The following SH3GL2 variants were observed in gnomAD, a reference collection of about 807,000 sequenced individuals.
The protein encoded by SH3GL2 is endophilin-A1.
Under a neutral mutation model 46.0 loss-of-function variants are expected in SH3GL2, and 24 were observed. That is an observed-to-expected ratio of 0.52 (90% confidence interval 0.38 to 0.73). The LOEUF (loss-of-function observed/expected upper bound fraction) is 0.73, where lower values mean the gene tolerates loss of function less well. SH3GL2 is among the 30% of genes least tolerant of loss of function. The pLI is 0.00. For synonymous variants in SH3GL2, 196 were observed against 147.1 expected, an observed-to-expected ratio of 1.33 and a Z score of -2.40; for missense variants, 413 against 424.2, an observed-to-expected ratio of 0.97 and a Z score of 0.23.
chr9:17,681,616 GCAGT>G (rs1214075907), intron 1 of SH3GL2, among the ~76,000 whole-genome samples: 2 of 149,656 alleles, frequency 1.3e-5, no homozygotes, highest in African/African-American at 5.0e-5. Flanking sequence ...GAAAACCTAG[GCAGT>G]GCCATTCAAG....
At chr9:17,735,031 A>C (rs906833983) in intron 1 of SH3GL2, among the ~76,000 whole-genome samples, 1 of 152,098 alleles carries the variant, frequency 6.6e-6, no homozygotes, top group Non-Finnish European at 1.5e-5. Context: ...GTAACTTCAA[A>C]AGTGCTGCCT....
At chr9:17,734,190 G>T (rs976125750) in intron 1 of SH3GL2, among the ~76,000 whole-genome samples, 1 of 152,136 alleles carries the variant, frequency 6.6e-6, no homozygotes, top group East Asian at 1.9e-4. Context: ...TAGACTAATT[G>T]CCCTCAACCC....
chr9:17,679,418 A>G (rs1352629558), intron 1 of SH3GL2, among the ~76,000 whole-genome samples: 1 of 151,982 alleles, frequency 6.6e-6, no homozygotes, highest in South Asian at 2.1e-4. Context: ...TTCACTCATG[A>G]TTTGGCTGTT....
rs143624996 is a variant in SH3GL2 at position 17,739,932 on chromosome 9, A to T, written c.46-7134A>T. ...ATACAAATCAATTTCTGCATTTTCC[A>T]TAAAGTGTTTGGCAAGGAACAAAAT... On this transcript the variant is annotated intron_variant, in intron 1 of 8. Coordinates refer to ENST00000380607, the MANE Select transcript of SH3GL2 (RefSeq NM_003026.5). 2.1e-3 allele frequency among the ~76,000 whole-genome samples: 319 copies of T among 152,242 alleles called. 2 individuals are homozygous for T. Among genetic ancestry groups the T allele is most frequent in the African/African-American group, 7.4e-3 (308 of 41,574 alleles).
At chr9:17,691,491 CCTAT>C (rs1821077318) in intron 1 of SH3GL2, among the ~76,000 whole-genome samples, 1 of 152,006 alleles carries the variant, frequency 6.6e-6, no homozygotes, top group Admixed American at 6.6e-5. Flanking sequence ...CAAACAAATC[CCTAT>C]CTAATTGATT....
At chr9:17,779,499 A>G (rs899697488) in intron 3 of SH3GL2, among the ~76,000 whole-genome samples, 2 of 152,088 alleles carry the variant, frequency 1.3e-5, no homozygotes, top group Non-Finnish European at 2.9e-5. Flanking sequence ...TTCTTTATAG[A>G]TGCAGCCCAT....
At chr9:17,600,819 T>C (rs1818655950) in intron 1 of SH3GL2, among the ~76,000 whole-genome samples, 1 of 152,162 alleles carries the variant, frequency 6.6e-6, no homozygotes, top group African/African-American at 2.4e-5. Flanking sequence ...AGGTGAGAAA[T>C]TGTTGGAAGA....
rs571071953 is a variant in SH3GL2 at position 17,703,743 on chromosome 9, C to T, written c.46-43323C>T. On this transcript the variant is annotated intron_variant, in intron 1 of 8. Coordinates refer to ENST00000380607, the MANE Select transcript of SH3GL2 (RefSeq NM_003026.5). ...ATAGACGCAGAAAAGGCTTTTAATA[C>T]AATTCAGCATCCGTTCATGTTAAAA... 3.9e-5 allele frequency among the ~76,000 whole-genome samples: 6 copies of T among 152,072 alleles called. No homozygotes were observed. The East Asian group carries it at 9.7e-4, about 25-fold the overall frequency.
intron 1 of SH3GL2, among the ~76,000 whole-genome samples, chr9:17,616,544 G>A (rs1364523229): frequency 6.6e-6 from 1 of 152,102 alleles, no homozygotes; most frequent in East Asian, 1.9e-4. Flanking sequence ...GAAGGGGAGA[G>A]ATCTGGGGGT....
At chr9:17,763,425 T>C (rs145499537) in intron 3 of SH3GL2, among the ~76,000 whole-genome samples, 7 of 152,266 alleles carry the variant, frequency 4.6e-5, no homozygotes, top group Non-Finnish European at 8.8e-5. Context: ...GAACCAGTGA[T>C]GGGTGTCCTT....
chr9:17,771,259 C>T (rs928815673), intron 3 of SH3GL2, among the ~76,000 whole-genome samples: 1 of 152,104 alleles, frequency 6.6e-6, no homozygotes, highest in Non-Finnish European at 1.5e-5. Context: ...CCTGAACCCC[C>T]CAGGGAGTAT....
At chr9:17,770,877 A>C (rs1006054461) in intron 3 of SH3GL2, among the ~76,000 whole-genome samples, 4 of 152,248 alleles carry the variant, frequency 2.6e-5, no homozygotes, top group African/African-American at 7.2e-5. Flanking sequence ...ACAGCAACCC[A>C]CGTGAGCCTG....
rs140139175 is a variant in SH3GL2 at position 17,609,921 on chromosome 9, C to T, written c.45+30634C>T. Among the ~76,000 whole-genome samples the T allele has an allele frequency of 7.1e-4, 108 of 152,298 alleles. 2 individuals carry two copies. The highest frequency in any genetic ancestry group is 2.5e-3 in the African/African-American group (102 of 41,564). On this transcript the variant is annotated intron_variant, in intron 1 of 8. Coordinates refer to ENST00000380607, the MANE Select transcript of SH3GL2 (RefSeq NM_003026.5). ...ATCATTTTGCCACCCTAGAGAGCTCCAGACACACGATTGGCCCTCTAACAG... is the reference window on the plus strand; with the variant it reads ...ATCATTTTGCCACCCTAGAGAGCTCTAGACACACGATTGGCCCTCTAACAG...
chr9:17,719,863 C>G (rs1747750521), intron 1 of SH3GL2, among the ~76,000 whole-genome samples: 1 of 149,862 alleles, frequency 6.7e-6, no homozygotes, highest in South Asian at 2.1e-4. Flanking sequence ...TGTGAAGAAT[C>G]ATTTCCACAC....
At chr9:17,709,967 C>T (rs1821575630) in intron 1 of SH3GL2, among the ~76,000 whole-genome samples, 1 of 151,768 alleles carries the variant, frequency 6.6e-6, no homozygotes, top group African/African-American at 2.4e-5. Context: ...CCCCTAGAGG[C>T]CCTATAAGTA....
chr9:17,763,682 T>A (rs1823241668), intron 3 of SH3GL2, among the ~76,000 whole-genome samples: 1 of 152,154 alleles, frequency 6.6e-6, no homozygotes, highest in Non-Finnish European at 1.5e-5. Context: ...CAGTTTGTGG[T>A]CATTTGAAAT....
intron 1 of SH3GL2, among the ~76,000 whole-genome samples, chr9:17,667,620 C>A (rs1429411473): frequency 6.6e-6 from 1 of 152,106 alleles, no homozygotes; most frequent in African/African-American, 2.4e-5. Context: ...CTGTCATGAA[C>A]CCTTGTGTGC....
intron 1 of SH3GL2, among the ~76,000 whole-genome samples, chr9:17,602,099 G>A (rs1248147160): frequency 6.6e-6 from 1 of 152,080 alleles, no homozygotes; most frequent in East Asian, 1.9e-4. Flanking sequence ...TCTATTTATT[G>A]GGTTCTATGA....
intron 2 of SH3GL2, among the ~76,000 whole-genome samples, chr9:17,756,756 T>C (rs1436442205): frequency 6.6e-6 from 1 of 152,110 alleles, no homozygotes; most frequent in Non-Finnish European, 1.5e-5. Context: ...TCCAAGTCTT[T>C]GCTGTTGTGA....
Sources: allele counts gnomAD v4.1 joint callset (sites outside exome capture counted in the v4.1 genomes callset), GRCh38; gene constraint gnomAD v4.1.1; transcripts MANE v1.5; gene names NCBI Gene and HGNC (gene_info 2026-07-23, HGNC 2026-07-21).